KCNAB1: variants seen among roughly 807,000 people sequenced by gnomAD.
KCNAB1 encodes potassium voltage-gated channel subfamily A regulatory beta subunit 1, also known as voltage-gated potassium channel subunit beta-1.
KCNAB1 carries 35 observed loss-of-function variants against 64.6 expected under a neutral mutation model. The observed-to-expected ratio is 0.54, with a 90% CI of 0.41 to 0.72. The LOEUF is 0.72. Among genes scored for constraint, KCNAB1 ranks in the 30% least tolerant of loss-of-function variants. The pLI is 0.00. For synonymous variants in KCNAB1, 177 were observed against 183.8 expected (o/e 0.96, Z 0.30); for missense variants, 401 against 512.9 (o/e 0.78, Z 2.11).
In KCNAB1 at chr3:156,485,539, T is replaced by TG. The variant is rs1015326573; in HGVS notation, c.658+10727dup. ...ATAGGATTTATTTGTTTTGCTTTTT[T>TG]GGGGGGGGCATGAATCCTGCAGTAC... On this transcript the variant is annotated intron_variant, in intron 8 of 13. Coordinates refer to ENST00000490337, the MANE Select transcript of KCNAB1 (RefSeq NM_172160.3). Among the ~76,000 whole-genome samples, 529 of 151,646 alleles carry TG rather than the reference T, an allele frequency of 3.5e-3. 2 individuals are homozygous for TG. The highest frequency in any genetic ancestry group is 5.0e-3 in the South Asian group (24 of 4,784).
intron 1 of KCNAB1, among the ~76,000 whole-genome samples, chr3:156,391,077 A>C (rs1269862342): frequency 6.6e-6 from 1 of 152,084 alleles, no homozygotes; most frequent in Non-Finnish European, 1.5e-5. Context: ...GCTCCAGGGG[A>C]GGGGTATTTA....
chr3:156,443,455 C>T (rs1169386342), intron 2 of KCNAB1, among the ~76,000 whole-genome samples: 1 of 152,130 alleles, frequency 6.6e-6, no homozygotes, highest in Non-Finnish European at 1.5e-5. Context: ...TGTGGAGTGT[C>T]CACTAAGCAG....
At chr3:156,298,629 A>G (rs1720950762) in intron 1 of KCNAB1, among the ~76,000 whole-genome samples, 1 of 152,210 alleles carries the variant, frequency 6.6e-6, no homozygotes, top group Non-Finnish European at 1.5e-5. Flanking sequence ...TATGAACAGT[A>G]TGAGATTTGG....
intron 1 of KCNAB1, among the ~76,000 whole-genome samples, chr3:156,146,497 A>G (rs1345889470): frequency 6.6e-6 from 1 of 152,328 alleles, no homozygotes; most frequent in Non-Finnish European, 1.5e-5. Flanking sequence ...AGATGTAGCA[A>G]ATACCTAGCT....
chr3:156,321,904 A>G (rs888471519), intron 1 of KCNAB1, among the ~76,000 whole-genome samples: 3 of 152,224 alleles, frequency 2.0e-5, no homozygotes, highest in Non-Finnish European at 4.4e-5. Context: ...GTTACGTTCC[A>G]AAATCATTGC....
At chr3:156,410,426 C>T (rs909498540) in intron 1 of KCNAB1, among the ~76,000 whole-genome samples, 2 of 152,208 alleles carry the variant, frequency 1.3e-5, no homozygotes. Flanking sequence ...ATCTGTAATA[C>T]AGTTAAATTC....
At chr3:156,528,176 A>AG (rs888971157) in intron 12 of KCNAB1, among the ~76,000 whole-genome samples, 1 of 42,418 alleles carries the variant, frequency 2.4e-5, no homozygotes, top group African/African-American at 6.1e-5. Context: ...AATGCAGTCA[A>AG]AAAAAAAAAA....
At chr3:156,262,511 A>G (rs1560164133) in intron 1 of KCNAB1, among the ~76,000 whole-genome samples, 1 of 151,966 alleles carries the variant, frequency 6.6e-6, no homozygotes, top group Non-Finnish European at 1.5e-5. Flanking sequence ...TTTTGGGTGT[A>G]AAACCAAACT....
At chr3:156,342,401 AT>A (rs1260257899) in intron 1 of KCNAB1, among the ~76,000 whole-genome samples, 2 of 152,180 alleles carry the variant, frequency 1.3e-5, no homozygotes, top group East Asian at 3.9e-4. Flanking sequence ...ACAAATCTCA[AT>A]GCCTAGCCAT....
chr3:156,179,740 A>C (rs1712676212), intron 1 of KCNAB1, among the ~76,000 whole-genome samples: 1 of 152,212 alleles, frequency 6.6e-6, no homozygotes, highest in African/African-American at 2.4e-5. Context: ...CTGTTGCTCA[A>C]AACTGTTTTC....
chr3:156,185,732 T>C (rs976884332), intron 1 of KCNAB1, among the ~76,000 whole-genome samples: 2 of 151,994 alleles, frequency 1.3e-5, no homozygotes, highest in African/African-American at 4.8e-5. Flanking sequence ...TCCTCGATGA[T>C]AGGAGTATTT....
At chr3:156,469,441 TA>T (rs1713712651) in intron 7 of KCNAB1, among the ~76,000 whole-genome samples, 1 of 151,974 alleles carries the variant, frequency 6.6e-6, no homozygotes, top group Non-Finnish European at 1.5e-5. Flanking sequence ...GTATTTTTAG[TA>T]GAGGCAGGGT....
At chr3:156,382,795 G>A (rs1342503565) in intron 1 of KCNAB1, among the ~76,000 whole-genome samples, 1 of 152,172 alleles carries the variant, frequency 6.6e-6, no homozygotes, top group Non-Finnish European at 1.5e-5. Context: ...AACCACTTTG[G>A]GATCTCCAAG....
At chr3:156,160,068 A>G (rs1715984921) in intron 1 of KCNAB1, among the ~76,000 whole-genome samples, 1 of 152,196 alleles carries the variant, frequency 6.6e-6, no homozygotes, top group Non-Finnish European at 1.5e-5. Flanking sequence ...ATAGTCAGGG[A>G]TGACTTCTTA....
At chr3:156,292,260 A>C (rs984252527) in intron 1 of KCNAB1, 1 of 1,017,320 alleles carries the variant, frequency 9.8e-7, no homozygotes, top group Non-Finnish European at 1.5e-6. Flanking sequence ...GGTGGTTCTA[A>C]AATAGCTCTT....
chr3:156,477,222 C>T (rs1396544503), intron 8 of KCNAB1, among the ~76,000 whole-genome samples: 2 of 152,072 alleles, frequency 1.3e-5, no homozygotes, highest in African/African-American at 4.8e-5. Flanking sequence ...CAGTGGAGTT[C>T]GTAACTGCAG....
At chr3:156,200,109 A>G (rs1461237210) in intron 1 of KCNAB1, among the ~76,000 whole-genome samples, 1 of 152,168 alleles carries the variant, frequency 6.6e-6, no homozygotes, top group Admixed American at 6.5e-5. Flanking sequence ...AATTTGCTGG[A>G]GTTCCACTCC....
chr3:156,175,557 T>G (rs1401583334), intron 1 of KCNAB1, among the ~76,000 whole-genome samples: 2 of 152,200 alleles, frequency 1.3e-5, no homozygotes, highest in African/African-American at 4.8e-5. Context: ...AGGCGGAGCT[T>G]GCAGTGAGCC....
chr3:156,301,937 C>T (rs1042063316), intron 1 of KCNAB1, among the ~76,000 whole-genome samples: 2 of 152,220 alleles, frequency 1.3e-5, no homozygotes, highest in Admixed American at 6.5e-5. Context: ...TTTCCTCTTG[C>T]TGCTACAACA....
Sources: allele counts gnomAD v4.1 joint callset (sites outside exome capture counted in the v4.1 genomes callset), GRCh38; gene constraint gnomAD v4.1.1; transcripts MANE v1.5; gene names NCBI Gene and HGNC (gene_info 2026-07-23, HGNC 2026-07-21).